The following TTN variants were observed in gnomAD, a reference collection of about 807,000 sequenced individuals.
TTN encodes the protein connectin.
TTN carries 1,525 observed loss-of-function variants against 3,223.0 expected under a neutral mutation model. That is an observed-to-expected ratio of 0.47 (90% confidence interval 0.45 to 0.49). The LOEUF (loss-of-function observed/expected upper bound fraction) is 0.49. TTN is among the 20% of genes least tolerant of loss of function. TTN has a pLI of 0.00. For missense variants in TTN, 40,786 were observed against 43,424.0 expected, an observed-to-expected ratio of 0.94 and a Z score of 5.40; for synonymous variants, 14,094 against 15,161.0, an observed-to-expected ratio of 0.93 and a Z score of 5.17.
rs769129424 is a variant in TTN at position 178,593,216 on chromosome 2, A to T, written c.58992T>A (p.Asp19664Glu). ...VSAENEIGIG[D>E]PSPPSKPVFA... ...AGACTGGTTTGGATGGTGGGCTTGG[A>T]TCTCCAATACCAATTTCATTTTCTG... Residue 19664 changes from aspartate (D) to glutamate (E), a missense_variant, in exon 299 of 363, where the codon GAT (aspartate) becomes GAA (glutamate). By Grantham distance (45) the Asp-to-Glu change is conservative. Transcript: ENST00000589042. 37 of 1,613,322 alleles carry T rather than the reference A, an allele frequency of 2.3e-5. No homozygotes were observed. The highest frequency in any genetic ancestry group is 1.6e-4 in the Middle Eastern group (1 of 6,074).
chr2:178,683,363 A>T, intron 133 of TTN, 72 bp from the exon 134 acceptor site: 8 of 964,596 alleles, frequency 8.3e-6, no homozygotes, highest in Non-Finnish European at 1.2e-5. Flanking sequence ...AATTTTGTTC[A>T]AACAATTCAA....
In TTN at chr2:178,572,970, C is replaced by T. The variant is rs768369089; in HGVS notation, c.73162G>A (p.Gly24388Ser). ...GLKATSYTIT[G>S]LTENQEYKIR... ...TTATATTCCTGATTCTCTGTGAGGC[C>T]AGTGATAGTATACGAAGTTGCCTTG... Residue 24388 changes from glycine (G) to serine (S), a missense_variant, in exon 326 of 363, where the codon GGC becomes AGC. Gly to Ser is a moderately conservative substitution (Grantham distance 56). Transcript: ENST00000589042. 1.2e-6 allele frequency: 2 copies of T among 1,613,078 alleles called. No individual in the cohort carries two copies. Among genetic ancestry groups the T allele is most frequent in the African/African-American group, 1.3e-5 (1 of 74,878 alleles).
chr2:178,781,929 T>TGG (rs34627830), intron 20 of TTN, among the ~76,000 whole-genome samples: 1 of 149,148 alleles, frequency 6.7e-6, no homozygotes, highest in Non-Finnish European at 1.5e-5. Context: ...TGTGTGTGTG[T>TGG]GGGTGTGTTT....
In TTN at chr2:178,583,812, A is replaced by G. The variant is rs764130758; in HGVS notation, c.65370T>C (p.Ile21790=). 1 of 1,610,156 alleles carries G rather than the reference A, an allele frequency of 6.2e-7. No individual in the cohort carries two copies. The highest frequency in any genetic ancestry group is 1.7e-5 in the Admixed American group (1 of 59,654). ...RPKHDGGSKI[I]GYFVEACKLP... ...GTTTGCAAGCTTCTACGAAATAGCC[A>G]ATAATTTTACTGCCTCCATCATGCT... The change falls in exon 312 of 363, where the codon ATT becomes ATC. Residue 21790 remains isoleucine (I), a synonymous_variant. Coordinates refer to ENST00000589042, the MANE Select transcript of TTN (RefSeq NM_001267550.2).
At position 178,537,455 on chromosome 2, in the gene TTN, T is replaced by C. The variant is rs377456237; in HGVS notation, c.99752A>G (p.Tyr33251Cys). The change falls in exon 355 of 363, where the codon TAT becomes TGT. Residue 33251 changes from tyrosine (Y) to cysteine (C), a missense_variant. By Grantham distance (194) the Tyr-to-Cys change is radical. Coordinates refer to ENST00000589042, the MANE Select transcript of TTN (RefSeq NM_001267550.2). The part of the protein sequence containing the change: ...ENITIENTEH[Y>C]THLVMKNVQR... The stretch of plus-strand genomic sequence containing the variant: ...GACATTCTTCATGACAAGATGAGTA[T>C]AGTGCTCAGTGTTTTCAATAGTAAT... 7 of 1,613,208 alleles carry C rather than the reference T, an allele frequency of 4.3e-6. No individual in the cohort carries two copies. In the African/African-American group the frequency reaches 5.3e-5, roughly 12 times the overall value.
In TTN at chr2:178,591,658, T is replaced by C; in HGVS notation, c.60161A>G (p.Asn20054Ser). ...GTCAGGGAGACCAAGACCCACAATG[T>C]TTTCAGCTTTTACACGGAATCTATA... ...KTYRFRVKAE[N>S]IVGLGLPDTT... The change falls in exon 303 of 363, where the codon AAC (asparagine) becomes AGC (serine). Residue 20054 changes from asparagine to serine, a missense_variant. Asn to Ser is a conservative substitution (Grantham distance 46). Coordinates refer to ENST00000589042, the MANE Select transcript of TTN (RefSeq NM_001267550.2). The C allele has an allele frequency of 6.2e-7, 1 of 1,613,478 alleles. No individual in the cohort carries two copies. Among genetic ancestry groups the C allele is most frequent in the Non-Finnish European group, 8.5e-7 (1 of 1,179,574 alleles).
rs758776829 is a variant in TTN, at chr2:178,729,560, G to A, written c.18596C>T (p.Pro6199Leu). The part of the protein sequence containing the change: ...CSIELKVKEP[P>L]TFIRELKPVE... Reference sequence around the variant, plus strand: ...AGGCTTCAGCTCTCTGATAAAGGTGGGGGGTTCTAAAGATTCAAAAGGAAG... The same window carrying A: ...AGGCTTCAGCTCTCTGATAAAGGTGAGGGGTTCTAAAGATTCAAAAGGAAG... The change falls in exon 64 of 363, where the codon CCC becomes CTC. Residue 6199 changes from proline to leucine, a missense_variant. Physicochemically the swap from Pro to Leu is moderately conservative, Grantham distance 98. Coordinates refer to ENST00000589042, the MANE Select transcript of TTN (RefSeq NM_001267550.2). The A allele has an allele frequency of 6.2e-7, 1 of 1,612,378 alleles. No individual in the cohort carries two copies. Among genetic ancestry groups the A allele is most frequent in the Non-Finnish European group, 8.5e-7 (1 of 1,179,002 alleles).
chr2:178,616,241 T>G (rs2057318980), intron 257 of TTN, among the ~76,000 whole-genome samples: 1 of 151,894 alleles, frequency 6.6e-6, no homozygotes, highest in East Asian at 2.0e-4. Context: ...TAGGGAATTT[T>G]TTTTTTTATT....
rs2092635460 is a variant in TTN, at chr2:178,780,153, T to C, written c.3576A>G (p.Gln1192=). The change falls in exon 22 of 363, where the codon CAA becomes CAG. Residue 1192 remains glutamine, a synonymous_variant. Coordinates refer to ENST00000589042, the MANE Select transcript of TTN (RefSeq NM_001267550.2). ...KSQQEMLYQT[Q]VTAFVQEPKV... ...TAGGTTCTTGAACAAATGCAGTCAC[T>C]TGTGTCTGATAAAGCATTTCTTGCT... The C allele has an allele frequency of 1.9e-6, 3 of 1,613,780 alleles. No individual in the cohort carries two copies. In the Admixed American group the frequency reaches 5.0e-5, roughly 27 times the overall value.
In TTN at chr2:178,614,364, C is replaced by T. The variant is rs369011743; in HGVS notation, c.49049-16G>A. 53 of 1,580,678 alleles carry T rather than the reference C, an allele frequency of 3.4e-5. No individual in the cohort carries two copies. The Middle Eastern group carries it at 6.7e-4, about 20-fold the overall frequency. On this transcript the variant is annotated splice_polypyrimidine_tract_variant and intron_variant, in intron 261 of 362. Transcript: ENST00000589042. Reference sequence around the variant, plus strand: ...CCGGGTTTATCTGTGTATGGCATTACAGATGCAGAAAAAAAAATTGTTCAC... The same window carrying T: ...CCGGGTTTATCTGTGTATGGCATTATAGATGCAGAAAAAAAAATTGTTCAC...
At position 178,709,578 on chromosome 2, in the gene TTN, T is replaced by C. The variant is rs371826762; in HGVS notation, c.28741A>G (p.Ile9581Val). Residue 9581 changes from isoleucine to valine, a missense_variant, in exon 99 of 363, where the codon ATC becomes GTC. Coordinates refer to ENST00000589042, the MANE Select transcript of TTN (RefSeq NM_001267550.2). Reference protein sequence around the residue: ...DAGSALCTSSIVIKEPKKPPV... With the variant: ...DAGSALCTSSVVIKEPKKPPV... ...GAGGATAACTCACCTTTGATGACGATTGAAGACGTGCACAGAGCAGAGCCT... is the reference window on the plus strand; with the variant it reads ...GAGGATAACTCACCTTTGATGACGACTGAAGACGTGCACAGAGCAGAGCCT... The C allele has an allele frequency of 1.8e-4, 289 of 1,605,922 alleles. No homozygotes were observed. In the Middle Eastern group the frequency reaches 6.5e-3, roughly 36 times the overall value.
At chr2:178,710,592 A>C in intron 98 of TTN, 43 bp downstream of exon 98, 1 of 1,573,136 alleles carries the variant, frequency 6.4e-7, no homozygotes, top group South Asian at 1.2e-5. Flanking sequence ...TATACTACAA[A>C]ATGATTACAC....
At position 178,559,265 on chromosome 2, in the gene TTN, C is replaced by A. The variant is rs755876608; in HGVS notation, c.86821+46G>T. 3 of 1,502,868 alleles carry A rather than the reference C, an allele frequency of 2.0e-6. No homozygotes were observed. The Admixed American group carries it at 6.4e-5, about 32-fold the overall frequency. 93.1% of individuals were successfully genotyped at this position (1,502,868 alleles called of 1,614,324 possible). ...ATTAGAATGACTCACACTATTCTAG[C>A]AAAATTAACGTGGATATGTAGAATT... On this transcript the variant is annotated intron_variant, in intron 326 of 362. Transcript: ENST00000589042.
intron 46 of TTN, among the ~76,000 whole-genome samples, chr2:178,755,151 G>A (rs1187447638): frequency 6.6e-6 from 1 of 152,104 alleles, no homozygotes; most frequent in African/African-American, 2.4e-5. Flanking sequence ...CAGGCTTATG[G>A]CACCTGAAAA....
intron 306 of TTN, 30 bp downstream of exon 306, chr2:178,587,486 G>A (rs1045424208): frequency 6.2e-7 from 1 of 1,603,032 alleles, no homozygotes. Flanking sequence ...CATTTTTGAA[G>A]TGGGAGGGAG....
chr2:178,784,389 C>T (rs1316655548), intron 15 of TTN, 38 bp from the exon 16 acceptor site: 1 of 1,610,550 alleles, frequency 6.2e-7, no homozygotes, highest in African/African-American at 1.3e-5. Flanking sequence ...AGTCATTTAA[C>T]CATCCTCCGA....
In TTN at chr2:178,651,278, G is replaced by C; in HGVS notation, c.39590C>G (p.Ala13197Gly). ...TGGGACTTCTGGCTTTTTGGGAACA[G>C]CTACTTTCTTTTCTGGAACAACTTC... is the stretch of plus-strand genomic sequence containing the variant. ...PKEVVPEKKV[A>G]VPKKPEVPPA... The change falls in exon 208 of 363, where the codon GCT (alanine) becomes GGT (glycine). Residue 13197 changes from alanine to glycine, a missense_variant. By Grantham distance (60) the Ala-to-Gly change is moderately conservative. Coordinates refer to ENST00000589042, the MANE Select transcript of TTN (RefSeq NM_001267550.2). 2 of 1,613,102 alleles carry C rather than the reference G, an allele frequency of 1.2e-6. No homozygotes were observed. The highest frequency in any genetic ancestry group is 1.1e-5 in the South Asian group (1 of 91,006).
chr2:178,607,014 C>A lies in TTN; in HGVS notation c.53581+7G>T. ...CTCTATAAACACAATGAAACCTTCTCTTTTACCTAGTGGATCAACTGCAAG... is the reference window on the plus strand; with the variant it reads ...CTCTATAAACACAATGAAACCTTCTATTTTACCTAGTGGATCAACTGCAAG... On this transcript the variant is annotated splice_region_variant and intron_variant, in intron 278 of 362. Transcript: ENST00000589042. The A allele has an allele frequency of 1.2e-6, 2 of 1,605,274 alleles. No individual in the cohort carries two copies. The highest frequency in any genetic ancestry group is 1.1e-5 in the South Asian group (1 of 88,814).
intron 155 of TTN, among the ~76,000 whole-genome samples, chr2:178,671,487 A>G (rs1438659868): frequency 2.0e-5 from 3 of 151,830 alleles, no homozygotes; most frequent in Non-Finnish European, 4.4e-5. Context: ...TACAGGTGCC[A>G]TTAACAATAC....
Sources: gnomAD v4.1 joint callset for allele counts (sites outside exome capture counted in the v4.1 genomes callset) on GRCh38, gnomAD v4.1.1 for gene constraint, MANE v1.5 for transcripts, NCBI Gene and HGNC (gene_info 2026-07-23, HGNC 2026-07-21) for gene names.